The following MYO16 variants were observed in gnomAD, a reference collection of about 807,000 sequenced individuals.
MYO16 encodes unconventional myosin-XVI.
In MYO16, 94 loss-of-function variants were observed where a neutral mutation model predicts 205.3. The ratio of observed to expected loss-of-function variants is 0.46; its 90% CI spans 0.39 to 0.54. The LOEUF is 0.54. Among genes scored for constraint, MYO16 ranks in the 20% least tolerant of loss-of-function variants. The pLI is 0.00. For missense variants in MYO16, 2,315 were observed against 2,387.5 expected (o/e 0.97, Z 0.63); for synonymous variants, 988 against 954.0 (o/e 1.04, Z -0.66).
chr13:108,860,433 T>C (rs1878397796), intron 11 of MYO16, among the ~76,000 whole-genome samples: 1 of 152,200 alleles, frequency 6.6e-6, no homozygotes, highest in African/African-American at 2.4e-5. Context: ...AAATTGATTC[T>C]ATGTCTTTGC....
chr13:108,729,574 TAATTA>T, intron 4 of MYO16, among the ~76,000 whole-genome samples: 1 of 152,332 alleles, frequency 6.6e-6, no homozygotes, highest in Admixed American at 6.5e-5. Flanking sequence ...TAATTATTAT[TAATTA>T]AATTAAGCCG....
chr13:108,727,509 G>A lies in MYO16; in HGVS notation c.433G>A (p.Asp145Asn), dbSNP rs1301423220. 1.9e-6 allele frequency: 3 copies of A among 1,613,996 alleles called. No individual in the cohort carries two copies. Among genetic ancestry groups the A allele is most frequent in the Non-Finnish European group, 2.5e-6 (3 of 1,179,958 alleles). The change falls in exon 4 of 35, where the codon GAT (aspartate) becomes AAT (asparagine). Residue 145 changes from aspartate (D) to asparagine (N), a missense_variant. Transcript: ENST00000457511. ...IDRGVNVNHQDEDFWTPMHIA... is the reference protein window; with the variant it reads ...IDRGVNVNHQNEDFWTPMHIA... ...CAGAGGAGTCAACGTCAACCACCAG[G>A]ATGAAGACTTCTGGACGCCCATGCA...
intron 11 of MYO16, among the ~76,000 whole-genome samples, chr13:108,859,111 T>C (rs118121397): frequency 7.9e-4 from 120 of 152,300 alleles, no homozygotes; most frequent in Non-Finnish European, 1.4e-3. Context: ...TACCACTCTC[T>C]AACATACTGT....
chr13:109,082,733 G>A (rs144442852), intron 27 of MYO16, among the ~76,000 whole-genome samples: 18 of 152,222 alleles, frequency 1.2e-4, no homozygotes, highest in Admixed American at 2.0e-4. Flanking sequence ...TACTTGGAAG[G>A]CTGAGGCAGG....
At chr13:108,637,797 C>A (rs911537415) in intron 1 of MYO16, among the ~76,000 whole-genome samples, 1 of 152,050 alleles carries the variant, frequency 6.6e-6, no homozygotes, top group African/African-American at 2.4e-5. Context: ...ATCGCTTGAA[C>A]CCAGGAGGTA....
chr13:109,008,926 G>A lies in MYO16; in HGVS notation c.2472G>A (p.Met824Ile), dbSNP rs185312080. ...QLCVNMTNEK[M>I]HHYINEVLFL... ...GTGTCAACATGACCAATGAGAAGAT[G>A]CACCACTATATCAATGAAGTGCTTT... is the stretch of plus-strand genomic sequence containing the variant. The change falls in exon 22 of 35, where the codon ATG (methionine) becomes ATA (isoleucine). Residue 824 changes from methionine to isoleucine, a missense_variant. This residue lies in a region of MYO16 where 1,213 missense variants were observed against 1,274.4 expected (regional missense o/e 0.95). Transcript: ENST00000457511. 48 of 1,613,036 alleles carry A rather than the reference G, an allele frequency of 3.0e-5. No individual in the cohort carries two copies. The East Asian group carries it at 9.8e-4, about 33-fold the overall frequency.
intron 27 of MYO16, among the ~76,000 whole-genome samples, chr13:109,074,199 G>A (rs941535420): frequency 6.6e-6 from 1 of 152,048 alleles, no homozygotes; most frequent in South Asian, 2.1e-4. Flanking sequence ...ACACCCATGA[G>A]CCCAAGATGG....
At chr13:109,088,558 T>TA (rs1888514725) in intron 27 of MYO16, among the ~76,000 whole-genome samples, 1 of 152,160 alleles carries the variant, frequency 6.6e-6, no homozygotes, top group Admixed American at 6.5e-5. Context: ...TTCTTTTTTT[T>TA]TTATTATTCA....
intron 9 of MYO16, among the ~76,000 whole-genome samples, chr13:108,828,279 G>T (rs936671446): frequency 1.3e-5 from 2 of 152,100 alleles, no homozygotes; most frequent in Non-Finnish European, 2.9e-5. Context: ...GCTTTAAAAA[G>T]GAAATTGATA....
chr13:108,712,697 C>A lies in MYO16; in HGVS notation c.329C>A (p.Thr110Asn). ...CTGAAGGAGGGGGCAGACCCCCACA[C>A]CCTCGTCTCCTCGGGAGGGTCCCTG... ...RLLKEGADPHTLVSSGGSLLH... is the reference protein window; with the variant it reads ...RLLKEGADPHNLVSSGGSLLH... Residue 110 changes from threonine to asparagine, a missense_variant, in exon 3 of 35, where the codon ACC becomes AAC. By Grantham distance (65) the Thr-to-Asn change is moderately conservative. This residue lies in a region of MYO16 where 1,213 missense variants were observed against 1,274.4 expected (regional missense o/e 0.95). Coordinates refer to ENST00000457511, the MANE Select transcript of MYO16 (RefSeq NM_001198950.3). 1.9e-6 allele frequency: 3 copies of A among 1,614,136 alleles called. No homozygotes were observed. The highest frequency in any genetic ancestry group is 2.5e-6 in the Non-Finnish European group (3 of 1,179,986).
At chr13:108,554,347 A>G in the MYO16 span, among the ~76,000 whole-genome samples, 1 of 152,168 alleles carries the variant, frequency 6.6e-6, no homozygotes, top group African/African-American at 2.4e-5. Flanking sequence ...AATCTTTTCT[A>G]TAAATACCTG....
At chr13:108,694,503 T>C (rs1281477496) in intron 2 of MYO16, among the ~76,000 whole-genome samples, 1 of 152,178 alleles carries the variant, frequency 6.6e-6, no homozygotes, top group Non-Finnish European at 1.5e-5. Flanking sequence ...ATCTTTCATG[T>C]CTTGTTGGTC....
At chr13:108,498,729 A>C in the MYO16 span, among the ~76,000 whole-genome samples, 3 of 152,226 alleles carry the variant, frequency 2.0e-5, no homozygotes, top group African/African-American at 7.2e-5. Flanking sequence ...TGAGGCAAGG[A>C]AGGACACAGT....
intron 4 of MYO16, among the ~76,000 whole-genome samples, chr13:108,775,619 G>A (rs1886099579): frequency 7.8e-6 from 1 of 128,930 alleles, no homozygotes; most frequent in Non-Finnish European, 1.9e-5. Flanking sequence ...GATTTTCTGA[G>A]GTTTTCTGAC....
rs536494684 is a variant in MYO16 at position 109,171,223 on chromosome 13, G to A, written c.5323+6164G>A. Among the ~76,000 whole-genome samples the A allele has an allele frequency of 1.1e-4, 16 of 152,284 alleles. No individual in the cohort carries two copies. In the East Asian group the frequency reaches 2.9e-3, roughly 28 times the overall value. On this transcript the variant is annotated intron_variant, in intron 33 of 34. Transcript: ENST00000457511. Reference sequence around the variant, plus strand: ...AGGGCAGAGTCAGAAAAACTGCCTCGTCAGTATTATAGAAATTGAACAAAC... The same window carrying A: ...AGGGCAGAGTCAGAAAAACTGCCTCATCAGTATTATAGAAATTGAACAAAC...
In MYO16 at chr13:108,887,289, C is replaced by G. The variant is rs556826594; in HGVS notation, c.1554-1083C>G. Among the ~76,000 whole-genome samples, 4 of 152,280 alleles carry G rather than the reference C, an allele frequency of 2.6e-5. No homozygotes were observed. The East Asian group carries it at 7.7e-4, about 29-fold the overall frequency. ...TCCATTAACGACTCGACACTTTAAA[C>G]AAATAATTAAATTTCAACTTACTTC... is the stretch of plus-strand genomic sequence containing the variant. On this transcript the variant is annotated intron_variant, in intron 13 of 34. Transcript: ENST00000457511.
At chr13:108,680,117 T>C (rs1882400573) in intron 2 of MYO16, among the ~76,000 whole-genome samples, 1 of 152,170 alleles carries the variant, frequency 6.6e-6, no homozygotes, top group Admixed American at 6.6e-5. Context: ...TGCCTGGAGC[T>C]GCTCCAATCC....
At chr13:108,556,104 T>C in the MYO16 span, among the ~76,000 whole-genome samples, 1 of 152,186 alleles carries the variant, frequency 6.6e-6, no homozygotes, top group Non-Finnish European at 1.5e-5. Context: ...AATGAATGTG[T>C]TAGTGCAGAT....
intron 1 of MYO16, among the ~76,000 whole-genome samples, chr13:108,641,250 A>G (rs1029591400): frequency 6.6e-6 from 1 of 152,224 alleles, no homozygotes; most frequent in Non-Finnish European, 1.5e-5. Context: ...TGGTTAGTTC[A>G]GCTTAACACA....
Sources: gnomAD v4.1 joint callset for allele counts (sites outside exome capture counted in the v4.1 genomes callset) on GRCh38, gnomAD v4.1.1 for gene constraint, gnomAD v4.1.1 regional missense constraint, MANE v1.5 for transcripts, NCBI Gene and HGNC (gene_info 2026-07-23, HGNC 2026-07-21) for gene names.